REM1: variants seen among roughly 807,000 people sequenced by gnomAD.
REM1 encodes GTP-binding protein REM 1.
Under a neutral mutation model 27.0 loss-of-function variants are expected in REM1, and 20 were observed. The observed-to-expected ratio is 0.74, with a 90% confidence interval of 0.52 to 1.08. The LOEUF is 1.08. Among genes scored for constraint, REM1 ranks in the 50% least tolerant of loss-of-function variants. REM1 has a pLI of 0.00. For missense variants in REM1, 405 were observed against 407.0 expected (o/e 1.00, Z 0.04); for synonymous variants, 159 against 167.9 (o/e 0.95, Z 0.41).
At chr20:31,482,030 G>A (rs566330829) in intron 3 of REM1, among the ~76,000 whole-genome samples, 1 of 152,330 alleles carries the variant, frequency 6.6e-6, no homozygotes, top group East Asian at 1.9e-4. Context: ...TACCCAGCCT[G>A]CAAAAGTATC....
chr20:31,479,458 CAG>C (rs147608522), intron 3 of REM1, among the ~76,000 whole-genome samples: 3,664 of 152,216 alleles, frequency 0.024, 130 homozygotes, highest in African/African-American at 0.078. Flanking sequence ...ACTCAGGAGA[CAG>C]GGGAGAAAGG....
At chr20:31,482,535 C>A in intron 4 of REM1, 47 bp downstream of exon 4, 2 of 1,563,782 alleles carry the variant, frequency 1.3e-6, no homozygotes, top group South Asian at 2.3e-5. Flanking sequence ...GCCCCACTGT[C>A]ATGGCTGCTC....
intron 4 of REM1, among the ~76,000 whole-genome samples, chr20:31,483,425 A>T (rs1289093748): frequency 6.6e-6 from 1 of 152,262 alleles, no homozygotes; most frequent in Non-Finnish European, 1.5e-5. Context: ...GAAAAGAACC[A>T]TTATTGGCTC....
Position 31,484,137 on chromosome 20 carries a change from T to G in REM1, c.626-22T>G, listed in dbSNP as rs763324366. 9 of 1,552,238 alleles carry G rather than the reference T, an allele frequency of 5.8e-6. No homozygotes were observed. In the South Asian group the frequency reaches 9.7e-5, roughly 17 times the overall value. The stretch of plus-strand genomic sequence containing the variant: ...CCTTCCGTTATGGCTCCACCCCTCC[T>G]CGCCGGGCCCCGCCCCCTTAGAGGG... On this transcript the variant is annotated intron_variant, in intron 4 of 4. Transcript: ENST00000201979.
At chr20:31,477,476 T>A (rs1980558642) in intron 2 of REM1, among the ~76,000 whole-genome samples, 1 of 152,076 alleles carries the variant, frequency 6.6e-6, no homozygotes, top group South Asian at 2.1e-4. Flanking sequence ...TGAGAACACA[T>A]ATGTGTTACA....
At chr20:31,484,122 T>C in intron 4 of REM1, 37 bp from the exon 5 acceptor site, 2 of 1,527,016 alleles carry the variant, frequency 1.3e-6, no homozygotes, top group Non-Finnish European at 1.8e-6. Flanking sequence ...CCTTCCGTTA[T>C]GGCTCCACCC....
chr20:31,476,763 G>A lies in REM1; in HGVS notation c.318G>A (p.Arg106=). 6.2e-7 allele frequency: 1 copy of A among 1,612,186 alleles called. No homozygotes were observed. The highest frequency in any genetic ancestry group is 8.5e-7 in the Non-Finnish European group (1 of 1,179,104). ...GCCTCTTTGCAGGGAAGCAAGAGAG[G>A]GACCTCCATGAACAGCTGGGAGGTA... The part of the protein sequence containing the change: ...LASLFAGKQE[R]DLHEQLGEDV... Residue 106 remains arginine, a synonymous_variant, in exon 2 of 5, where the codon AGG becomes AGA. Coordinates refer to ENST00000201979, the MANE Select transcript of REM1 (RefSeq NM_014012.6).
Position 31,476,451 on chromosome 20 carries a change from A to G in REM1, c.6A>G (p.Thr2=), listed in dbSNP as rs373785066. Residue 2 remains threonine, a synonymous_variant, in exon 2 of 5, where the codon ACA becomes ACG. Transcript: ENST00000201979. ...CAAACCCCCCCCTACCAAAGATGAC[A>G]CTCAACACCGAGCAGGAAGCAAAGA... M[T]LNTEQEAKTP... 1 of 1,579,124 alleles carries G rather than the reference A, an allele frequency of 6.3e-7. No individual in the cohort carries two copies. The highest frequency in any genetic ancestry group is 8.6e-7 in the Non-Finnish European group (1 of 1,163,612).
rs915326569 is a variant in REM1, at chr20:31,482,630, C to A, written c.625+142C>A. The A allele has an allele frequency of 2.2e-5, 17 of 781,408 alleles. No individual in the cohort carries two copies. The African/African-American group carries it at 2.7e-4, about 13-fold the overall frequency. The allele number at this position is 781,408 out of a possible 1,614,324, so 48.4% of individuals were successfully genotyped here. A position where few individuals can be genotyped will look rare whatever the true frequency, so the allele number is the denominator to read the frequency against. On this transcript the variant is annotated intron_variant, in intron 4 of 4. Coordinates refer to ENST00000201979, the MANE Select transcript of REM1 (RefSeq NM_014012.6). ...TTGCCTAAGCCTGCAAGCTGGGAAC[C>A]ATTCTTGCCTCCCACTCATCACCCC... is the stretch of plus-strand genomic sequence containing the variant.
In REM1 at chr20:31,482,491, G is replaced by A. The variant is rs949324790; in HGVS notation, c.625+3G>A. ...CTGCCGAGAAGTCTCTGTGGAAGGT[G>A]AGCCCTCCATCCCACCACCTCCTCT... On this transcript the variant is annotated splice_donor_region_variant and intron_variant, in intron 4 of 4. Coordinates refer to ENST00000201979, the MANE Select transcript of REM1 (RefSeq NM_014012.6). The A allele has an allele frequency of 6.8e-6, 11 of 1,613,512 alleles. No homozygotes were observed. Among genetic ancestry groups the A allele is most frequent in the East Asian group, 4.5e-5 (2 of 44,864 alleles).
chr20:31,482,188 C>T (rs2122480148), intron 3 of REM1, 99 bp from the exon 4 acceptor site: 1 of 1,092,746 alleles, frequency 9.2e-7, no homozygotes, highest in South Asian at 1.4e-5. Flanking sequence ...AACTATAAAC[C>T]TCAAGCTGCA....
Position 31,476,478 on chromosome 20 carries a change from C to T in REM1, c.33C>T (p.Thr11=). Reference sequence around the variant, plus strand: ...TCAACACCGAGCAGGAAGCAAAGACCCCTCTGCACCGGCGAGCCAGCACCC... The same window carrying T: ...TCAACACCGAGCAGGAAGCAAAGACTCCTCTGCACCGGCGAGCCAGCACCC... MTLNTEQEAK[T]PLHRRASTPL... is the part of the protein sequence containing the mutation. Residue 11 remains threonine (T), a synonymous_variant, in exon 2 of 5, where the codon ACC becomes ACT. Coordinates refer to ENST00000201979, the MANE Select transcript of REM1 (RefSeq NM_014012.6). 6.2e-7 allele frequency: 1 copy of T among 1,604,940 alleles called. No individual in the cohort carries two copies. The highest frequency in any genetic ancestry group is 8.5e-7 in the Non-Finnish European group (1 of 1,175,474).
chr20:31,484,193 AT>A lies in REM1; in HGVS notation c.662del (p.Phe221SerfsTer44). On this transcript the variant is annotated frameshift_variant, in exon 5 of 5. Transcript: ENST00000201979. LOFTEE classifies it high-confidence loss of function. ...CCTGCGCTGTGGTGTTCGACTGTAA[AT>A]TCATCGAGACATCCGCCACGCTGCA... is the stretch of plus-strand genomic sequence containing the variant. Reference protein sequence around the residue: ...RACAVVFDCKFIETSATLQHN... With the variant: ...RACAVVFDCKXIETSATLQHN... 1 of 1,606,610 alleles carries A rather than the reference AT, an allele frequency of 6.2e-7. No homozygotes were observed.
At chr20:31,477,976 C>T (rs1435449557) in intron 3 of REM1, 66 bp downstream of exon 3, 1 of 1,002,390 alleles carries the variant, frequency 1.0e-6, no homozygotes, top group African/African-American at 1.6e-5. Flanking sequence ...CCTTCCTGTC[C>T]CCTCCTGGGG....
In REM1 at chr20:31,484,697, G is replaced by A. The variant is rs1196938416; in HGVS notation, c.*267G>A. On this transcript the variant is annotated 3_prime_UTR_variant, in exon 5 of 5. Coordinates refer to ENST00000201979, the MANE Select transcript of REM1 (RefSeq NM_014012.6). ...GTCTTTTTGTAAAAAAATCTTCCTT[G>A]TCCCTGGGCTCTGGCCAACCCTCAG... 2.1e-6 allele frequency: 1 copy of A among 470,496 alleles called. No homozygotes were observed. The highest frequency in any genetic ancestry group is 3.7e-5 in the East Asian group (1 of 27,188). The allele number at this position is 470,496 out of a possible 1,614,324, so 29.1% of individuals were successfully genotyped here.
chr20:31,482,012 GC>G (rs1414257144), intron 3 of REM1, among the ~76,000 whole-genome samples: 1 of 152,190 alleles, frequency 6.6e-6, no homozygotes, highest in East Asian at 1.9e-4. Flanking sequence ...AGTAAATTTT[GC>G]CTGCACTACC....
chr20:31,476,600 T>A lies in REM1; in HGVS notation c.155T>A (p.Leu52His). 3 of 1,613,906 alleles carry A rather than the reference T, an allele frequency of 1.9e-6. No individual in the cohort carries two copies. The highest frequency in any genetic ancestry group is 2.7e-5 in the African/African-American group (2 of 74,986). Residue 52 changes from leucine to histidine, a missense_variant, in exon 2 of 5, where the codon CTC (leucine) becomes CAC (histidine). Leu to His is a moderately conservative substitution (Grantham distance 99). Coordinates refer to ENST00000201979, the MANE Select transcript of REM1 (RefSeq NM_014012.6). ...QHPRLGQSAS[L>H]NPPTQKPSPA... ...CCCCGGCTGGGCCAATCAGCCTCCC[T>A]CAACCCTCCCACCCAGAAACCTTCA...
intron 3 of REM1, among the ~76,000 whole-genome samples, chr20:31,478,818 C>G (rs367793902): frequency 1.3e-5 from 2 of 150,908 alleles, no homozygotes; most frequent in African/African-American, 4.9e-5. Flanking sequence ...TCTACAAAAT[C>G]TTTGTAGATC....
chr20:31,484,095 TCCTA>T (rs1568764629), intron 4 of REM1, 60 bp from the exon 5 acceptor site: 3 of 1,480,968 alleles, frequency 2.0e-6, no homozygotes, highest in African/African-American at 1.4e-5. Context: ...ACACATCTCT[TCCTA>T]CCTTTTTCTC....
Sources: gnomAD v4.1 joint callset for allele counts (sites outside exome capture counted in the v4.1 genomes callset) on GRCh38, gnomAD v4.1.1 for gene constraint, MANE v1.5 for transcripts, NCBI Gene and HGNC (gene_info 2026-07-23, HGNC 2026-07-21) for gene names.